SLC25A30: variants seen among roughly 807,000 people sequenced by gnomAD.
SLC25A30 encodes the protein kidney mitochondrial carrier protein 1.
A neutral mutation model predicts 42.7 loss-of-function variants in SLC25A30; 29 were observed. The ratio of observed to expected loss-of-function variants is 0.68; its 90% confidence interval spans 0.51 to 0.93. SLC25A30 has a LOEUF of 0.93. Ranked by LOEUF, SLC25A30 falls within the 40% of genes least tolerant of loss-of-function variation. The pLI is 0.00. For synonymous variants in SLC25A30, 124 were observed against 131.0 expected (o/e 0.95, Z 0.37); for missense variants, 300 against 359.7 (o/e 0.83, Z 1.34).
At chr13:45,399,174 G>T in intron 7 of SLC25A30, 96 bp from the exon 8 acceptor site, 1 of 1,272,354 alleles carries the variant, frequency 7.9e-7, no homozygotes, top group Non-Finnish European at 1.1e-6. Flanking sequence ...CAAACTATGG[G>T]GTTTTCTTGT....
rs764093040 is a variant in SLC25A30, at chr13:45,397,306, A to C, written c.786T>G (p.Tyr262Ter). The change falls in exon 9 of 10, where the codon TAT becomes TAG. Residue 262 changes from tyrosine (Y) to a stop codon, truncating the protein, a stop_gained. Coordinates refer to ENST00000519676, the MANE Select transcript of SLC25A30 (RefSeq NM_001010875.4). LOFTEE classifies it high-confidence loss of function. ...TWKNEGFFAL[Y>*]KGFWPNWLRL... is the part of the protein sequence containing the mutation. ...TCAACCAATTTGGCCAAAAGCCTTT[A>C]TAGAGAGCAAAAAACCCTTCATTCT... 6.2e-7 allele frequency: 1 copy of C among 1,612,938 alleles called. No homozygotes were observed.
intron 8 of SLC25A30, chr13:45,397,552 C>T (rs1341693472): frequency 1.2e-4 from 44 of 376,694 alleles, no homozygotes; most frequent in Non-Finnish European, 1.8e-4. Flanking sequence ...AAAAATTAGC[C>T]GGGCATGGTG....
the SLC25A30 span, among the ~76,000 whole-genome samples, chr13:45,428,893 G>A: frequency 4.6e-5 from 7 of 151,610 alleles, no homozygotes; most frequent in African/African-American, 1.5e-4. Context: ...CACAGCTAAA[G>A]GATTAAGAAT....
chr13:45,400,993 T>C, intron 7 of SLC25A30, 90 bp downstream of exon 7: 1 of 1,205,750 alleles, frequency 8.3e-7, no homozygotes, highest in Non-Finnish European at 1.1e-6. Context: ...CACTTCTGCA[T>C]TGCAACTTTT....
intron 7 of SLC25A30, among the ~76,000 whole-genome samples, chr13:45,399,496 A>G (rs760257436): frequency 3.9e-5 from 6 of 152,220 alleles, no homozygotes; most frequent in Non-Finnish European, 8.8e-5. Flanking sequence ...GGCATGAGCC[A>G]CCATGCCCAG....
intron 1 of SLC25A30, among the ~76,000 whole-genome samples, chr13:45,412,928 T>G (rs534537413): frequency 6.9e-4 from 105 of 152,314 alleles, no homozygotes; most frequent in Middle Eastern, 3.4e-3. Context: ...AAATAAAATT[T>G]CTAACTTTTC....
At chr13:45,420,571 TTGGACACC>T (rs2137715929), upstream of SLC25A30, among the ~76,000 whole-genome samples, 1 of 152,304 alleles carries the variant, frequency 6.6e-6, no homozygotes, top group Admixed American at 6.5e-5. Flanking sequence ...TGTAGAGCTT[TTGGACACC>T]CAAACTCTAC....
At chr13:45,429,745 A>G in the SLC25A30 span, among the ~76,000 whole-genome samples, 1 of 151,934 alleles carries the variant, frequency 6.6e-6, no homozygotes, top group Non-Finnish European at 1.5e-5. Flanking sequence ...TGAGGCAGGA[A>G]GATCACTTGA....
intron 3 of SLC25A30, among the ~76,000 whole-genome samples, chr13:45,407,304 C>A (rs1347436793): frequency 6.6e-6 from 1 of 152,056 alleles, no homozygotes; most frequent in Non-Finnish European, 1.5e-5. Context: ...GAGGCTGAGG[C>A]AGGAGAATTG....
At chr13:45,424,861 TAAAA>T in the SLC25A30 span, among the ~76,000 whole-genome samples, 1 of 34,352 alleles carries the variant, frequency 2.9e-5, no homozygotes. Flanking sequence ...AATATATATA[TAAAA>T]ATATATATAA....
intron 7 of SLC25A30, among the ~76,000 whole-genome samples, chr13:45,400,584 C>T (rs1346772245): frequency 6.6e-6 from 1 of 152,134 alleles, no homozygotes; most frequent in Non-Finnish European, 1.5e-5. Context: ...GCAGCCTCAC[C>T]TTCCTGAGCT....
chr13:45,400,778 T>C (rs768656046), intron 7 of SLC25A30, among the ~76,000 whole-genome samples: 2 of 152,198 alleles, frequency 1.3e-5, no homozygotes, highest in African/African-American at 2.4e-5. Context: ...ATTACAGGCG[T>C]GAACTACTGT....
chr13:45,424,042 T>C, the SLC25A30 span, among the ~76,000 whole-genome samples: 36 of 89,076 alleles, frequency 4.0e-4, no homozygotes, highest in African/African-American at 1.4e-3. Flanking sequence ...TTTATATAAA[T>C]ATATATAAAT....
chr13:45,394,248 G>GGCC lies in SLC25A30; in HGVS notation c.*1725_*1726insGGC. The GGCC allele has an allele frequency of 1.5e-6, 1 of 651,592 alleles. No homozygotes were observed. The highest frequency in any genetic ancestry group is 1.8e-6 in the Non-Finnish European group (1 of 566,602). The allele number at this position is 651,592 out of a possible 1,614,324, so 40.4% of individuals were successfully genotyped here. A position where few individuals can be genotyped will look rare whatever the true frequency, so the allele number is the denominator to read the frequency against. On this transcript the variant is annotated 3_prime_UTR_variant, in exon 10 of 10. Transcript: ENST00000519676. ...AGGTAACCCTACCCCACTGCACCCC[G>GGCC]CCCCCGCCCCCACCTTCTGTTATCC...
upstream of SLC25A30, among the ~76,000 whole-genome samples, chr13:45,420,019 G>A (rs1338555345): frequency 6.6e-6 from 1 of 151,930 alleles, no homozygotes; most frequent in Non-Finnish European, 1.5e-5. Context: ...GGGGAAAGGA[G>A]AAAGAGGGAG....
upstream of SLC25A30, chr13:45,420,416 TG>T (rs1165748810): frequency 2.0e-5 from 3 of 152,336 alleles, no homozygotes; most frequent in East Asian, 5.8e-4. Context: ...CCCCAGCCTG[TG>T]GGGGAAAGTC....
At chr13:45,406,379 CG>C (rs1882512898) in intron 3 of SLC25A30, among the ~76,000 whole-genome samples, 1 of 152,130 alleles carries the variant, frequency 6.6e-6, no homozygotes. Flanking sequence ...GCCTCTAAAA[CG>C]ATTTCGTAAA....
Position 45,395,889 on chromosome 13 carries a change from A to G in SLC25A30, c.*85T>C. On this transcript the variant is annotated 3_prime_UTR_variant, in exon 10 of 10. Transcript: ENST00000519676. ...TCCCAGAATCTGTGATGAGCCAAGC[A>G]GTGAGAAGCAGAGTGAAACACAGGA... The G allele has an allele frequency of 6.2e-7, 1 of 1,612,790 alleles. No individual in the cohort carries two copies. Among genetic ancestry groups the G allele is most frequent in the South Asian group, 1.1e-5 (1 of 90,986 alleles).
chr13:45,425,609 C>CATTTATAAATATATATATAAGT, the SLC25A30 span, among the ~76,000 whole-genome samples: 2 of 27,148 alleles, frequency 7.4e-5, no homozygotes, highest in Non-Finnish European at 1.7e-4. Context: ...TATATATATA[C>CATTTATAAATATATATATAAGT]ATATATAAAT....
Sources: gnomAD v4.1 joint callset for allele counts (sites outside exome capture counted in the v4.1 genomes callset) on GRCh38, gnomAD v4.1.1 for gene constraint, MANE v1.5 for transcripts, NCBI Gene and HGNC (gene_info 2026-07-23, HGNC 2026-07-21) for gene names.